Variants in PPFIA2 observed in about 807,000 individuals in gnomAD.
PPFIA2 encodes PPFI scaffold protein A2, also known as liprin-alpha-2.
A neutral mutation model predicts 175.5 loss-of-function variants in PPFIA2; 46 were observed. That is an observed-to-expected ratio of 0.26 (90% CI 0.21 to 0.34). The LOEUF (loss-of-function observed/expected upper bound fraction) is 0.34, where lower values mean the gene tolerates loss of function less well. Ranked by LOEUF, PPFIA2 falls within the 10% of genes least tolerant of loss-of-function variation. PPFIA2 has a pLI of 1.00. For missense variants in PPFIA2, 1,179 were observed against 1,506.1 expected (o/e 0.78, Z 3.60); for synonymous variants, 568 against 511.4 (o/e 1.11, Z -1.49).
chr12:81,660,129 A>G (rs2068549074), intron 4 of PPFIA2, among the ~76,000 whole-genome samples: 1 of 152,152 alleles, frequency 6.6e-6, no homozygotes, highest in Non-Finnish European at 1.5e-5. Flanking sequence ...AAAATTCTAA[A>G]AATCAGAGCT....
chr12:81,517,544 CAGAT>C (rs2062616135), intron 4 of PPFIA2, among the ~76,000 whole-genome samples: 2 of 152,218 alleles, frequency 1.3e-5, no homozygotes, highest in East Asian at 3.9e-4. Context: ...TGCTTGTTGG[CAGAT>C]AGAACAGGAG....
At chr12:81,414,840 C>T (rs578050414) in intron 7 of PPFIA2, among the ~76,000 whole-genome samples, 1 of 151,372 alleles carries the variant, frequency 6.6e-6, no homozygotes, top group South Asian at 2.1e-4. Flanking sequence ...CAATAGTTTG[C>T]ATTTGTATCG....
At chr12:81,379,464 TTAA>T (rs1341728890) in intron 9 of PPFIA2, among the ~76,000 whole-genome samples, 3 of 152,156 alleles carry the variant, frequency 2.0e-5, no homozygotes, top group African/African-American at 7.2e-5. Flanking sequence ...TGAAGAACTG[TTAA>T]TAGGAAGTTG....
At chr12:81,518,376 T>C (rs1463313468) in intron 4 of PPFIA2, among the ~76,000 whole-genome samples, 1 of 152,110 alleles carries the variant, frequency 6.6e-6, no homozygotes, top group Non-Finnish European at 1.5e-5. Flanking sequence ...ATCTACTAGT[T>C]TTCTCTATTT....
At position 81,538,492 on chromosome 12, in the gene PPFIA2, T is replaced by C. The variant is rs1241849330; in HGVS notation, c.304-80626A>G. On this transcript the variant is annotated intron_variant, in intron 4 of 32. Coordinates refer to ENST00000549396, the MANE Select transcript of PPFIA2 (RefSeq NM_003625.5). ...GAGAGAAGATATATGCTTTGGAAAA[T>C]ATAATAGAGGATGTTCGGGAAGATT... is the stretch of plus-strand genomic sequence containing the variant. Among the ~76,000 whole-genome samples the C allele has an allele frequency of 2.0e-5, 3 of 151,514 alleles. No homozygotes were observed. The East Asian group carries it at 5.8e-4, about 30-fold the overall frequency.
intron 4 of PPFIA2, among the ~76,000 whole-genome samples, chr12:81,474,020 A>G (rs967311676): frequency 2.5e-4 from 38 of 152,296 alleles, no homozygotes; most frequent in African/African-American, 8.9e-4. Context: ...TTAACAATAT[A>G]TTTCAAGAGA....
chr12:81,679,602 T>C (rs567721002), intron 3 of PPFIA2, among the ~76,000 whole-genome samples: 17 of 152,108 alleles, frequency 1.1e-4, no homozygotes, highest in Admixed American at 2.0e-4. Context: ...TTGTAGTTTT[T>C]AACACATTGA....
At chr12:81,315,861 T>C (rs563602050) in intron 22 of PPFIA2, among the ~76,000 whole-genome samples, 3 of 151,748 alleles carry the variant, frequency 2.0e-5, no homozygotes, top group Admixed American at 2.0e-4. Flanking sequence ...GGTTCAGAAG[T>C]TTAAATGTGG....
chr12:81,418,757 AT>A (rs1473577789), intron 7 of PPFIA2, among the ~76,000 whole-genome samples: 4 of 151,990 alleles, frequency 2.6e-5, no homozygotes, highest in African/African-American at 9.7e-5. Flanking sequence ...TATAACTAAA[AT>A]TCCTGAGTTT....
chr12:81,714,647 C>T (rs747558039), intron 3 of PPFIA2, among the ~76,000 whole-genome samples: 1 of 150,748 alleles, frequency 6.6e-6, no homozygotes, highest in East Asian at 2.0e-4. Context: ...TATTTTGAAG[C>T]TGGGAAGATA....
At chr12:81,375,964 A>C (rs372102417) in intron 9 of PPFIA2, 22 bp from the exon 10 acceptor site, 1 of 1,594,356 alleles carries the variant, frequency 6.3e-7, no homozygotes, top group East Asian at 2.2e-5. Flanking sequence ...ATAATTTAGA[A>C]AAAGCAAATC....
intron 5 of PPFIA2, among the ~76,000 whole-genome samples, chr12:81,452,793 T>C (rs2052848269): frequency 6.6e-6 from 1 of 152,172 alleles, no homozygotes. Flanking sequence ...TCTCAATATC[T>C]GTTAAGATAA....
intron 5 of PPFIA2, among the ~76,000 whole-genome samples, chr12:81,449,897 T>G (rs994435352): frequency 1.3e-5 from 2 of 151,726 alleles, no homozygotes; most frequent in African/African-American, 4.8e-5. Flanking sequence ...GTGTTTGGTT[T>G]TTTGTCCTTG....
At chr12:81,524,199 G>T (rs1567183370) in intron 4 of PPFIA2, among the ~76,000 whole-genome samples, 1 of 152,288 alleles carries the variant, frequency 6.6e-6, no homozygotes, top group African/African-American at 2.4e-5. Context: ...GAGCCATAGG[G>T]TTGGTTCTAC....
rs2064242802 is a variant in PPFIA2, at chr12:81,529,715, G to T, written c.304-71849C>A. Reference sequence around the variant, plus strand: ...GGGTTGGCTAACTCCAGCTCCTCCGGTTAAATACAGCTGACTACTTGTTGC... The same window carrying T: ...GGGTTGGCTAACTCCAGCTCCTCCGTTTAAATACAGCTGACTACTTGTTGC... On this transcript the variant is annotated intron_variant, in intron 4 of 32. Transcript: ENST00000549396. Among the ~76,000 whole-genome samples the T allele has an allele frequency of 2.0e-5, 3 of 151,958 alleles. No homozygotes were observed. In the South Asian group the frequency reaches 6.2e-4, roughly 31 times the overall value.
chr12:81,597,230 G>A (rs1433826338), intron 4 of PPFIA2, among the ~76,000 whole-genome samples: 1 of 152,036 alleles, frequency 6.6e-6, no homozygotes, highest in Non-Finnish European at 1.5e-5. Flanking sequence ...AAGATAAAAA[G>A]AAGATAGAAT....
At chr12:81,444,022 T>A (rs2145199220) in intron 6 of PPFIA2, among the ~76,000 whole-genome samples, 1 of 151,078 alleles carries the variant, frequency 6.6e-6, no homozygotes, top group South Asian at 2.1e-4. Context: ...GCCCAGCTAA[T>A]TTTTTGTATT....
chr12:81,454,514 A>G (rs2053237734), intron 5 of PPFIA2, among the ~76,000 whole-genome samples: 1 of 152,228 alleles, frequency 6.6e-6, no homozygotes, highest in Non-Finnish European at 1.5e-5. Flanking sequence ...AAAAACATTT[A>G]GATTTTAATG....
intron 18 of PPFIA2, 67 bp downstream of exon 18, chr12:81,347,466 T>G: frequency 7.4e-7 from 1 of 1,346,720 alleles, no homozygotes. Flanking sequence ...AAACACCCAG[T>G]TAAGTTTTAG....
Sources: allele counts gnomAD v4.1 joint callset (sites outside exome capture counted in the v4.1 genomes callset), GRCh38; gene constraint gnomAD v4.1.1; transcripts MANE v1.5; gene names NCBI Gene and HGNC (gene_info 2026-07-23, HGNC 2026-07-21).